The following NUP205 variants were observed in gnomAD, a reference collection of about 807,000 sequenced individuals.
The protein encoded by NUP205 is nucleoporin 205.
Under a neutral mutation model 253.8 loss-of-function variants are expected in NUP205, and 76 were observed. The ratio of observed to expected loss-of-function variants is 0.30; its 90% CI spans 0.25 to 0.36. The LOEUF (loss-of-function observed/expected upper bound fraction) is 0.36, where lower values mean the gene tolerates loss of function less well. NUP205 is among the 10% of genes least tolerant of loss of function. The pLI is 1.00. For missense variants in NUP205, 2,162 were observed against 2,425.5 expected, an observed-to-expected ratio of 0.89 and a Z score of 2.28; for synonymous variants, 832 against 850.1, an observed-to-expected ratio of 0.98 and a Z score of 0.37.
At chr7:135,579,487 G>A (rs549812545) in intron 7 of NUP205, among the ~76,000 whole-genome samples, 4 of 152,044 alleles carry the variant, frequency 2.6e-5, no homozygotes, top group South Asian at 2.1e-4. Context: ...GAGCCACCCC[G>A]TCCGGCCTTA....
intron 1 of NUP205, among the ~76,000 whole-genome samples, chr7:135,559,686 C>CTT (rs548329072): frequency 0.23 from 32,092 of 137,832 alleles, 4,043 homozygotes; most frequent in East Asian, 0.51. Flanking sequence ...ATTTATTTTC[C>CTT]TTTTTTTTTT....
intron 2 of NUP205, among the ~76,000 whole-genome samples, chr7:135,572,186 G>A (rs1247571270): frequency 6.6e-6 from 1 of 152,076 alleles, no homozygotes. Flanking sequence ...TTTCTTAGGA[G>A]CAATGTTATT....
intron 31 of NUP205, 137 bp downstream of exon 31, chr7:135,623,062 G>C (rs1340120978): frequency 3.3e-5 from 25 of 767,352 alleles, no homozygotes; most frequent in Non-Finnish European, 2.0e-6. Flanking sequence ...TGGATTTCTT[G>C]AGTATAGGAG....
chr7:135,643,421 C>A, intron 39 of NUP205, 63 bp downstream of exon 39: 1 of 1,315,990 alleles, frequency 7.6e-7, no homozygotes, highest in Non-Finnish European at 1.0e-6. Flanking sequence ...GGCCAGGGTA[C>A]TCAGACTGAG....
intron 30 of NUP205, among the ~76,000 whole-genome samples, chr7:135,620,577 A>G (rs1584679366): frequency 6.6e-6 from 1 of 152,250 alleles, no homozygotes; most frequent in African/African-American, 2.4e-5. Flanking sequence ...TGAAACACTT[A>G]TCTGCCATTT....
intron 10 of NUP205, among the ~76,000 whole-genome samples, chr7:135,589,570 G>A (rs1211721709): frequency 6.6e-6 from 1 of 151,326 alleles, no homozygotes; most frequent in Non-Finnish European, 1.5e-5. Flanking sequence ...TTGTAGGCAT[G>A]AGCCACTGTA....
At chr7:135,587,531 A>G (rs188049646) in intron 8 of NUP205, 44 bp from the exon 9 acceptor site, 221 of 1,158,986 alleles carry the variant, frequency 1.9e-4, no homozygotes, top group Middle Eastern at 1.9e-3. Flanking sequence ...ATTAGCATGT[A>G]CAATACATTT....
Position 135,618,424 on chromosome 7 carries a change from G to C in NUP205, c.3784G>C (p.Val1262Leu). The C allele has an allele frequency of 1.9e-6, 3 of 1,613,942 alleles. No individual in the cohort carries two copies. The South Asian group carries it at 3.3e-5, about 18-fold the overall frequency. Residue 1262 changes from valine (V) to leucine (L), a missense_variant, in exon 28 of 43, where the codon GTA (valine) becomes CTA (leucine). Coordinates refer to ENST00000285968, the MANE Select transcript of NUP205 (RefSeq NM_015135.3). Reference sequence around the variant, plus strand: ...CCTGTGGCTTTAGGAAATCAGCACTGTACTTCAGTATGTGGTAGGAAGAAA... The same window carrying C: ...CCTGTGGCTTTAGGAAATCAGCACTCTACTTCAGTATGTGGTAGGAAGAAA... ...RPLLMEEIST[V>L]LQYVVGRNKL...
chr7:135,571,321 CTTT>C, intron 2 of NUP205, 74 bp downstream of exon 2: 1 of 887,400 alleles, frequency 1.1e-6, no homozygotes, highest in Non-Finnish European at 1.5e-6. Context: ...AAACTCTTTT[CTTT>C]TTTTTTTAAT....
At chr7:135,597,303 C>A in intron 13 of NUP205, 65 bp from the exon 14 acceptor site, 1 of 1,194,630 alleles carries the variant, frequency 8.4e-7, no homozygotes, top group Non-Finnish European at 1.2e-6. Flanking sequence ...TATTATATTG[C>A]AAAGCCACTA....
intron 31 of NUP205, among the ~76,000 whole-genome samples, chr7:135,624,418 C>A (rs539385060): frequency 2.6e-5 from 4 of 151,902 alleles, no homozygotes; most frequent in Non-Finnish European, 5.9e-5. Context: ...GCTTTGTCAC[C>A]CAGGCTGGAG....
intron 7 of NUP205, among the ~76,000 whole-genome samples, chr7:135,583,956 C>T (rs947317853): frequency 6.6e-6 from 1 of 151,698 alleles, no homozygotes; most frequent in Non-Finnish European, 1.5e-5. Flanking sequence ...ATTCTCCTGC[C>T]TCAGCCTCCC....
At chr7:135,569,084 T>C (rs1241542019) in intron 1 of NUP205, among the ~76,000 whole-genome samples, 4 of 152,244 alleles carry the variant, frequency 2.6e-5, no homozygotes, top group Admixed American at 2.0e-4. Flanking sequence ...TTATTTTTTA[T>C]TTTTTGAGAT....
At chr7:135,638,754 GCT>G in intron 38 of NUP205, 71 bp downstream of exon 38, 2 of 1,518,304 alleles carry the variant, frequency 1.3e-6, no homozygotes, top group Non-Finnish European at 1.8e-6. Flanking sequence ...CTCCAGCTTG[GCT>G]CCAGTAAGAT....
Position 135,606,840 on chromosome 7 carries a change from C to G in NUP205, c.2995C>G (p.Pro999Ala). 1 of 1,613,706 alleles carries G rather than the reference C, an allele frequency of 6.2e-7. No individual in the cohort carries two copies. The highest frequency in any genetic ancestry group is 8.5e-7 in the Non-Finnish European group (1 of 1,179,650). The part of the protein sequence containing the change: ...NLLITSLECN[P>A]PNLALYLLGF... ...TCTCATTACCTCTCTGGAATGCAAT[C>G]CACCCAATCTTGCTCTCTACCTGTT... Residue 999 changes from proline (P) to alanine (A), a missense_variant, in exon 21 of 43, where the codon CCA becomes GCA. This residue lies in a region of NUP205 where 1,144 missense variants were observed against 1,280.9 expected (regional missense o/e 0.89). Transcript: ENST00000285968.
At chr7:135,642,223 C>A (rs1299262780) in intron 38 of NUP205, among the ~76,000 whole-genome samples, 2 of 151,560 alleles carry the variant, frequency 1.3e-5, no homozygotes, top group African/African-American at 4.9e-5. Context: ...CCACTGTACT[C>A]CAGGCTGGAT....
chr7:135,592,193 T>A (rs183414611), intron 11 of NUP205, among the ~76,000 whole-genome samples: 1 of 152,340 alleles, frequency 6.6e-6, no homozygotes, highest in East Asian at 1.9e-4. Context: ...CCAAAGCCAG[T>A]GTTCTGACTA....
chr7:135,628,986 G>A (rs773747561), intron 34 of NUP205, among the ~76,000 whole-genome samples: 3 of 152,176 alleles, frequency 2.0e-5, no homozygotes. Flanking sequence ...AGATTTTTTA[G>A]TAGAAGTGGG....
At chr7:135,601,651 A>C in intron 17 of NUP205, 144 bp downstream of exon 17, 2 of 850,056 alleles carry the variant, frequency 2.4e-6, no homozygotes, top group Non-Finnish European at 3.6e-6. Flanking sequence ...TTTTCAGTGA[A>C]TCATTTAAAT....
Sources: gnomAD v4.1 joint callset for allele counts (sites outside exome capture counted in the v4.1 genomes callset) on GRCh38, gnomAD v4.1.1 for gene constraint, gnomAD v4.1.1 regional missense constraint, MANE v1.5 for transcripts, NCBI Gene and HGNC (gene_info 2026-07-23, HGNC 2026-07-21) for gene names.